The following CACNA1E variants were observed in gnomAD, a reference collection of about 807,000 sequenced individuals.
The protein encoded by CACNA1E is calcium voltage-gated channel subunit alpha1 E, also known as voltage-dependent R-type calcium channel subunit alpha-1E.
A neutral mutation model predicts 259.2 loss-of-function variants in CACNA1E; 40 were observed. The ratio of observed to expected loss-of-function variants is 0.15; its 90% CI spans 0.12 to 0.20. The LOEUF (loss-of-function observed/expected upper bound fraction) is 0.20. Among genes scored for constraint, CACNA1E ranks in the 10% least tolerant of loss-of-function variants. The pLI is 1.00. For missense variants in CACNA1E, 1,874 were observed against 3,040.1 expected, an observed-to-expected ratio of 0.62 and a Z score of 9.02; for synonymous variants, 1,104 against 1,138.5, an observed-to-expected ratio of 0.97 and a Z score of 0.61.
chr1:181,454,070 G>A (rs551305877), intron 2 of CACNA1E, among the ~76,000 whole-genome samples: 5 of 152,326 alleles, frequency 3.3e-5, no homozygotes, highest in Admixed American at 6.5e-5. Flanking sequence ...GTGGGAGAGC[G>A]TGCAGGGAAA....
At chr1:181,727,714 A>G (rs1212357110) in intron 18 of CACNA1E, among the ~76,000 whole-genome samples, 1 of 152,188 alleles carries the variant, frequency 6.6e-6, no homozygotes, top group Non-Finnish European at 1.5e-5. Context: ...CGGGGCCTGC[A>G]TGAGGACTGT....
chr1:181,760,802 A>T (rs1030648969), intron 32 of CACNA1E, among the ~76,000 whole-genome samples: 1 of 152,182 alleles, frequency 6.6e-6, no homozygotes, highest in Non-Finnish European at 1.5e-5. Flanking sequence ...TCTAGTCTAC[A>T]CTGCACTGTA....
At chr1:181,615,732 CT>C (rs1374440295) in intron 6 of CACNA1E, among the ~76,000 whole-genome samples, 1 of 43,478 alleles carries the variant, frequency 2.3e-5, no homozygotes. Context: ...TTCTTATTCC[CT>C]TTTTATTTCT....
At chr1:181,550,595 A>C (rs1164561202) in intron 3 of CACNA1E, among the ~76,000 whole-genome samples, 1 of 152,140 alleles carries the variant, frequency 6.6e-6, no homozygotes, top group African/African-American at 2.4e-5. Flanking sequence ...TAGCAGGGAA[A>C]TGAGGGAGAA....
intron 1 of CACNA1E, among the ~76,000 whole-genome samples, chr1:181,488,403 G>A (rs534087225): frequency 5.9e-5 from 9 of 152,346 alleles, no homozygotes; most frequent in Middle Eastern, 3.4e-3. Flanking sequence ...GTACCTGTGC[G>A]TGGATGCAGA....
chr1:181,631,624 A>G (rs1004723731), intron 6 of CACNA1E, among the ~76,000 whole-genome samples: 10 of 152,108 alleles, frequency 6.6e-5, no homozygotes, highest in Non-Finnish European at 4.4e-5. Context: ...GTGGTGAGAT[A>G]GGCCTCCTGC....
chr1:181,773,570 T>TTGA (rs1291461179), intron 37 of CACNA1E, among the ~76,000 whole-genome samples: 1 of 152,198 alleles, frequency 6.6e-6, no homozygotes, highest in Non-Finnish European at 1.5e-5. Context: ...AATAATGCTA[T>TTGA]TGATGGGAGT....
intron 6 of CACNA1E, among the ~76,000 whole-genome samples, chr1:181,631,748 T>A (rs554988142): frequency 7.4e-4 from 113 of 152,298 alleles, no homozygotes; most frequent in African/African-American, 2.7e-3. Context: ...AAAGCTCAAC[T>A]GGCAAAATGC....
At chr1:181,558,868 C>A (rs1490279063) in intron 3 of CACNA1E, among the ~76,000 whole-genome samples, 2 of 151,912 alleles carry the variant, frequency 1.3e-5, no homozygotes, top group Non-Finnish European at 2.9e-5. Flanking sequence ...AGGACGTTGG[C>A]AGTAGGGATA....
chr1:181,356,731 G>A (rs1653471411), intron 1 of CACNA1E, among the ~76,000 whole-genome samples: 1 of 152,218 alleles, frequency 6.6e-6, no homozygotes, highest in Non-Finnish European at 1.5e-5. Context: ...CTCTACTGCT[G>A]TGCATCTCTT....
At chr1:181,486,672 GATAATA>G (rs1195273703) in intron 1 of CACNA1E, among the ~76,000 whole-genome samples, 1 of 152,056 alleles carries the variant, frequency 6.6e-6, no homozygotes, top group Non-Finnish European at 1.5e-5. Flanking sequence ...GTTAAATGAG[GATAATA>G]ATAATAATAC....
intron 7 of CACNA1E, among the ~76,000 whole-genome samples, chr1:181,695,645 A>G (rs1228838695): frequency 6.6e-6 from 1 of 152,214 alleles, no homozygotes; most frequent in East Asian, 1.9e-4. Flanking sequence ...ATTTTGCTAT[A>G]TCCACTGTAT....
chr1:181,777,965 T>C (rs1558380156), intron 38 of CACNA1E, among the ~76,000 whole-genome samples: 1 of 152,236 alleles, frequency 6.6e-6, no homozygotes, highest in African/African-American at 2.4e-5. Flanking sequence ...GTTTCACTTA[T>C]CTTGGGATCC....
intron 6 of CACNA1E, among the ~76,000 whole-genome samples, chr1:181,638,030 T>C (rs1214081745): frequency 2.0e-5 from 3 of 152,132 alleles, no homozygotes. Context: ...GGTAGGGGAT[T>C]GGCATGGGCA....
intron 37 of CACNA1E, among the ~76,000 whole-genome samples, chr1:181,775,565 A>G (rs535500979): frequency 6.6e-6 from 1 of 152,346 alleles, no homozygotes; most frequent in African/African-American, 2.4e-5. Context: ...AATCTAGATC[A>G]GTGGTTGGCA....
chr1:181,371,826 C>T (rs1233844858), intron 1 of CACNA1E, among the ~76,000 whole-genome samples: 1 of 152,182 alleles, frequency 6.6e-6, no homozygotes, highest in Non-Finnish European at 1.5e-5. Context: ...ATCCCAGCAC[C>T]ACTTATTGAA....
At chr1:181,445,491 GT>G (rs60407135) in intron 2 of CACNA1E, among the ~76,000 whole-genome samples, 65,765 of 151,700 alleles carry the variant, frequency 0.43, 15,833 homozygotes, top group African/African-American at 0.67. Flanking sequence ...AAGGATGGAA[GT>G]GATTCTCTGG....
At chr1:181,389,995 C>A (rs1258898180) in intron 1 of CACNA1E, among the ~76,000 whole-genome samples, 1 of 152,238 alleles carries the variant, frequency 6.6e-6, no homozygotes, top group African/African-American at 2.4e-5. Flanking sequence ...TTAGAGGAGG[C>A]TGACTGTGCT....
chr1:181,629,949 C>T (rs1211776710), intron 6 of CACNA1E, among the ~76,000 whole-genome samples: 1 of 151,934 alleles, frequency 6.6e-6, no homozygotes, highest in Non-Finnish European at 1.5e-5. Context: ...GTCCTGGAGG[C>T]ACATTCACAG....
Sources: allele counts gnomAD v4.1 joint callset (sites outside exome capture counted in the v4.1 genomes callset), GRCh38; gene constraint gnomAD v4.1.1; transcripts MANE v1.5; gene names NCBI Gene and HGNC (gene_info 2026-07-23, HGNC 2026-07-21).